Variants in NXPH1 observed in about 807,000 individuals in gnomAD.
The protein encoded by NXPH1 is neurexophilin-1.
Under a neutral mutation model 23.7 loss-of-function variants are expected in NXPH1, and 5 were observed. The ratio of observed to expected loss-of-function variants is 0.21; its 90% CI spans 0.11 to 0.44. The LOEUF is 0.44. Ranked by LOEUF, NXPH1 falls within the 20% of genes least tolerant of loss-of-function variation. The pLI is 0.99. For synonymous variants in NXPH1, 144 were observed against 122.2 expected, an observed-to-expected ratio of 1.18 and a Z score of -1.18; for missense variants, 324 against 321.6, an observed-to-expected ratio of 1.01 and a Z score of -0.06.
chr7:8,537,344 A>G (rs1472760360), intron 2 of NXPH1, among the ~76,000 whole-genome samples: 7 of 151,964 alleles, frequency 4.6e-5, no homozygotes, highest in African/African-American at 1.7e-4. Flanking sequence ...GAGACTGGGT[A>G]ATTCATAAAG....
At chr7:8,631,379 G>A (rs1280806244) in intron 2 of NXPH1, among the ~76,000 whole-genome samples, 2 of 152,180 alleles carry the variant, frequency 1.3e-5, no homozygotes, top group African/African-American at 4.8e-5. Context: ...AAGATTTCAT[G>A]ATGAAGATGC....
At chr7:8,493,451 C>A (rs1467507980) in intron 2 of NXPH1, among the ~76,000 whole-genome samples, 1 of 152,010 alleles carries the variant, frequency 6.6e-6, no homozygotes, top group African/African-American at 2.4e-5. Context: ...TGCCCAGAAT[C>A]TCATACTTTG....
intron 2 of NXPH1, among the ~76,000 whole-genome samples, chr7:8,510,749 A>G (rs1164458458): frequency 6.6e-6 from 1 of 152,130 alleles, no homozygotes; most frequent in Non-Finnish European, 1.5e-5. Flanking sequence ...ATTTATAACC[A>G]CTATCAATAT....
intron 2 of NXPH1, among the ~76,000 whole-genome samples, chr7:8,519,245 G>T (rs575893109): frequency 6.6e-6 from 1 of 152,068 alleles, no homozygotes; most frequent in Non-Finnish European, 1.5e-5. Context: ...TATAAAAAAG[G>T]TATTACATTT....
chr7:8,582,248 G>A (rs1451707088), intron 2 of NXPH1, among the ~76,000 whole-genome samples: 1 of 152,196 alleles, frequency 6.6e-6, no homozygotes, highest in East Asian at 1.9e-4. Flanking sequence ...GGCTCTGAGA[G>A]CCTCCAGGTC....
intron 2 of NXPH1, among the ~76,000 whole-genome samples, chr7:8,485,950 C>A (rs1817152339): frequency 6.6e-6 from 1 of 152,132 alleles, no homozygotes; most frequent in Admixed American, 6.6e-5. Flanking sequence ...CTGGCATTGA[C>A]TTTAGTTATA....
intron 2 of NXPH1, among the ~76,000 whole-genome samples, chr7:8,497,638 C>T (rs986632330): frequency 3.9e-5 from 6 of 152,180 alleles, no homozygotes; most frequent in African/African-American, 1.4e-4. Flanking sequence ...TTTCATGTGT[C>T]TTTTGGCTGC....
rs183316469 is a variant in NXPH1, at chr7:8,751,594, C to G, written c.641C>G (p.Pro214Arg). The change falls in exon 3 of 3, where the codon CCT becomes CGT. Residue 214 changes from proline to arginine, a missense_variant. Physicochemically the swap from Pro to Arg is moderately radical, Grantham distance 103. Transcript: ENST00000405863. This position sits in a 1 kb window ranked among gnomAD's most constrained non-coding sequence, Gnocchi z 4.5. ...ATKNTLCNYDPSKTCYQEQTQ... is the reference protein window; with the variant it reads ...ATKNTLCNYDRSKTCYQEQTQ... ...AAGAACACACTCTGCAACTATGACC[C>G]TTCAAAAACCTGTTACCAGGAGCAA... 6.2e-7 allele frequency: 1 copy of G among 1,613,490 alleles called. No homozygotes were observed. Among genetic ancestry groups the G allele is most frequent in the Admixed American group, 1.7e-5 (1 of 59,858 alleles).
chr7:8,540,482 G>A (rs960131363), intron 2 of NXPH1, among the ~76,000 whole-genome samples: 2 of 151,788 alleles, frequency 1.3e-5, no homozygotes, highest in Non-Finnish European at 1.5e-5. Context: ...CCTTGAGAGG[G>A]TTTCCAGGCC....
intron 2 of NXPH1, among the ~76,000 whole-genome samples, chr7:8,452,676 G>A (rs1584163993): frequency 1.3e-5 from 2 of 152,214 alleles, no homozygotes; most frequent in East Asian, 3.9e-4. Context: ...CCTTTTCCAT[G>A]CTTCTATTCA....
At chr7:8,624,965 G>C (rs1310659252) in intron 2 of NXPH1, among the ~76,000 whole-genome samples, 2 of 152,028 alleles carry the variant, frequency 1.3e-5, no homozygotes, top group Non-Finnish European at 2.9e-5. Flanking sequence ...AGTGGGGTAG[G>C]CTAAGTGATG....
rs202049588 is a variant in NXPH1 at position 8,658,989 on chromosome 7, G to GTA, written c.55-92003_55-92002dup. ...AAAGGGAAAGCTGGCATAAGAATATGTATATATATATATATATTTTTTTTT... is the reference window on the plus strand; with the variant it reads ...AAAGGGAAAGCTGGCATAAGAATATGTATATATATATATATATATTTTTTTTT... On this transcript the variant is annotated intron_variant, in intron 2 of 2. Coordinates refer to ENST00000405863, the MANE Select transcript of NXPH1 (RefSeq NM_152745.3). 6.2e-3 allele frequency among the ~76,000 whole-genome samples: 502 copies of GTA among 80,322 alleles called. 125 individuals are homozygous for GTA. Among genetic ancestry groups the GTA allele is most frequent in the Middle Eastern group, 0.017 (2 of 116 alleles). 52.7% of individuals were successfully genotyped at this position (80,322 alleles called of 152,430 possible).
chr7:8,674,204 C>CA (rs1403622014), intron 2 of NXPH1, among the ~76,000 whole-genome samples: 2 of 66,906 alleles, frequency 3.0e-5, no homozygotes, highest in African/African-American at 7.8e-5. Flanking sequence ...CACACACACA[C>CA]CTATGCAATT....
rs889363460 is a variant in NXPH1 at position 8,433,850 on chromosome 7, C to G, written c.-1016C>G. 1.3e-5 allele frequency: 2 copies of G among 152,654 alleles called. No individual in the cohort carries two copies. Among genetic ancestry groups the G allele is most frequent in the African/African-American group, 4.8e-5 (2 of 41,570 alleles). The allele number at this position is 152,654 out of a possible 1,614,324, so 9.5% of individuals were successfully genotyped here. A position where few individuals can be genotyped will look rare whatever the true frequency, so the allele number is the denominator to read the frequency against. On this transcript the variant is annotated 5_prime_UTR_variant, in exon 1 of 3. Coordinates refer to ENST00000405863, the MANE Select transcript of NXPH1 (RefSeq NM_152745.3). This position sits in a 1 kb window ranked among gnomAD's most constrained non-coding sequence, Gnocchi z 6.8. ...GGCGCTGCGGCCACCGAAGACACCG[C>G]GGGAGCCACTTGTCCCTGTGGGCCC...
At chr7:8,612,742 C>T (rs1231243270) in intron 2 of NXPH1, among the ~76,000 whole-genome samples, 1 of 152,042 alleles carries the variant, frequency 6.6e-6, no homozygotes, top group East Asian at 1.9e-4. Context: ...ATACCCTTTT[C>T]CTGGCCTGGT....
intron 2 of NXPH1, among the ~76,000 whole-genome samples, chr7:8,537,003 G>T (rs768784697): frequency 1.3e-5 from 2 of 151,904 alleles, no homozygotes; most frequent in Non-Finnish European, 2.9e-5. Context: ...TACACATACA[G>T]CTCTATGTTC....
At chr7:8,657,652 A>G (rs1820603437) in intron 2 of NXPH1, among the ~76,000 whole-genome samples, 1 of 152,220 alleles carries the variant, frequency 6.6e-6, no homozygotes, top group African/African-American at 2.4e-5. Flanking sequence ...CAGCAGCAGG[A>G]GATGTCAGGG....
At chr7:8,564,046 A>G (rs911772257) in intron 2 of NXPH1, among the ~76,000 whole-genome samples, 1 of 151,814 alleles carries the variant, frequency 6.6e-6, no homozygotes, top group African/African-American at 2.4e-5. Context: ...ATTGCATAAA[A>G]CTAAGAAACT....
chr7:8,465,650 C>T (rs1191271992), intron 2 of NXPH1, among the ~76,000 whole-genome samples: 1 of 152,202 alleles, frequency 6.6e-6, no homozygotes, highest in Non-Finnish European at 1.5e-5. Flanking sequence ...AACATCCATT[C>T]TGCTGCTGAC....
Sources: allele counts gnomAD v4.1 joint callset (sites outside exome capture counted in the v4.1 genomes callset), GRCh38; gene constraint gnomAD v4.1.1; non-coding constraint Gnocchi (gnomAD v3.1); transcripts MANE v1.5; gene names NCBI Gene and HGNC (gene_info 2026-07-23, HGNC 2026-07-21).